The following CFAP20DC variants were observed in gnomAD, a reference collection of about 807,000 sequenced individuals.
CFAP20DC encodes the protein protein CFAP20DC.
A neutral mutation model predicts 101.7 loss-of-function variants in CFAP20DC; 84 were observed. The observed-to-expected ratio is 0.83, with a 90% CI of 0.69 to 0.99. The LOEUF is 0.99. Ranked by LOEUF, CFAP20DC falls within the 50% of genes least tolerant of loss-of-function variation. CFAP20DC has a pLI of 0.00. For missense variants in CFAP20DC, 1,007 were observed against 970.3 expected, an observed-to-expected ratio of 1.04 and a Z score of -0.50; for synonymous variants, 359 against 351.2, an observed-to-expected ratio of 1.02 and a Z score of -0.25.
In CFAP20DC at chr3:58,853,150, A is replaced by G. The variant is rs1375116703; in HGVS notation, c.1594-3741T>C. ...GACACAATAAGAAATGATGAAGGGG[A>G]TATCACCACTGATCCCACAGAAATA... is the stretch of plus-strand genomic sequence containing the variant. On this transcript the variant is annotated intron_variant, in intron 12 of 16. Coordinates refer to ENST00000482387, the MANE Select transcript of CFAP20DC (RefSeq NM_001394063.1). Among the ~76,000 whole-genome samples, 3 of 152,188 alleles carry G rather than the reference A, an allele frequency of 2.0e-5. No homozygotes were observed. In the East Asian group the frequency reaches 5.8e-4, roughly 29 times the overall value.
Position 58,863,546 on chromosome 3 carries a change from C to G in CFAP20DC, c.1593+12G>C. The stretch of plus-strand genomic sequence containing the variant: ...TGTGCTTCAAGACTACTTCACTTAT[C>G]AAGCAGTGTACCTCTTCACTGCTGT... On this transcript the variant is annotated intron_variant, in intron 12 of 16. Transcript: ENST00000482387. The surrounding 1 kb of genome is among the most constrained non-coding windows in gnomAD (Gnocchi z 5.9). 1 of 1,613,224 alleles carries G rather than the reference C, an allele frequency of 6.2e-7. No homozygotes were observed. The highest frequency in any genetic ancestry group is 1.1e-5 in the South Asian group (1 of 90,988).
At chr3:59,043,971 T>A (rs1699640235) in intron 3 of CFAP20DC, among the ~76,000 whole-genome samples, 2 of 152,182 alleles carry the variant, frequency 1.3e-5, no homozygotes, top group African/African-American at 4.8e-5. Flanking sequence ...TTCAGGAAGA[T>A]CCCTGCCCTA....
chr3:58,999,596 G>C (rs1576652375), intron 4 of CFAP20DC, among the ~76,000 whole-genome samples: 1 of 152,036 alleles, frequency 6.6e-6, no homozygotes, highest in East Asian at 1.9e-4. Context: ...TGGACTCTTG[G>C]CCCTCTCCTT....
chr3:59,028,767 T>C (rs746129590), intron 4 of CFAP20DC, among the ~76,000 whole-genome samples: 2 of 152,222 alleles, frequency 1.3e-5, no homozygotes, highest in Admixed American at 6.5e-5. Flanking sequence ...TGAGGATTAA[T>C]TGAGCTATAA....
At chr3:59,013,674 G>A (rs2093633383) in intron 4 of CFAP20DC, among the ~76,000 whole-genome samples, 1 of 152,070 alleles carries the variant, frequency 6.6e-6, no homozygotes, top group South Asian at 2.1e-4. Context: ...AGGAATAGTA[G>A]GATAAGCCAG....
At chr3:59,022,996 A>C (rs9834869) in intron 4 of CFAP20DC, among the ~76,000 whole-genome samples, 35,816 of 151,986 alleles carry the variant, frequency 0.24, 4,814 homozygotes, top group African/African-American at 0.37. Flanking sequence ...TAGTTACCAT[A>C]CTGCCAGTAG....
At chr3:58,836,262 A>T (rs1045026657) in intron 13 of CFAP20DC, among the ~76,000 whole-genome samples, 11 of 152,348 alleles carry the variant, frequency 7.2e-5, no homozygotes, top group African/African-American at 2.6e-4. Context: ...GTTGAGGTAT[A>T]GTATTAATGA....
intron 4 of CFAP20DC, among the ~76,000 whole-genome samples, chr3:58,945,259 T>G (rs892963909): frequency 6.6e-6 from 1 of 152,142 alleles, no homozygotes; most frequent in African/African-American, 2.4e-5. Context: ...ATGCTTGCTT[T>G]CTTTTTGGGG....
intron 3 of CFAP20DC, among the ~76,000 whole-genome samples, chr3:58,734,722 T>C (rs2067712231): frequency 6.6e-6 from 1 of 152,090 alleles, no homozygotes. Context: ...CCTTTCCCTT[T>C]CCCCTCTTGC....
chr3:58,922,414 A>T (rs12632173), intron 5 of CFAP20DC, among the ~76,000 whole-genome samples: 1 of 152,100 alleles, frequency 6.6e-6, no homozygotes, highest in Non-Finnish European at 1.5e-5. Context: ...TTCGTGCCCA[A>T]TGTTAGAGAT....
chr3:58,913,451 A>G lies in CFAP20DC; in HGVS notation c.550+257T>C. On this transcript the variant is annotated intron_variant, in intron 6 of 16. Coordinates refer to ENST00000482387, the MANE Select transcript of CFAP20DC (RefSeq NM_001394063.1). This position sits in a 1 kb window ranked among gnomAD's most constrained non-coding sequence, Gnocchi z 4.4. Reference sequence around the variant, plus strand: ...TATGTTGTTTGTAACTAAGGAGCCTAAGACAGATAGCAAGTGTTACCATAA... The same window carrying G: ...TATGTTGTTTGTAACTAAGGAGCCTGAGACAGATAGCAAGTGTTACCATAA... The G allele has an allele frequency of 1.7e-6, 1 of 598,838 alleles. No homozygotes were observed. The highest frequency in any genetic ancestry group is 2.9e-6 in the Non-Finnish European group (1 of 339,268). 37.1% of individuals were successfully genotyped at this position (598,838 alleles called of 1,614,324 possible). A position where few individuals can be genotyped will look rare whatever the true frequency, so the allele number is the denominator to read the frequency against.
At chr3:58,768,419 G>A (rs891573772) in intron 15 of CFAP20DC, among the ~76,000 whole-genome samples, 6 of 152,160 alleles carry the variant, frequency 3.9e-5, no homozygotes, top group African/African-American at 1.2e-4. Flanking sequence ...TGATGGAAGT[G>A]CTTGGTTTAA....
downstream of CFAP20DC, among the ~76,000 whole-genome samples, chr3:58,739,889 T>C (rs569340767): frequency 4.6e-5 from 7 of 152,322 alleles, no homozygotes; most frequent in East Asian, 1.4e-3. Context: ...TCAACAGAAA[T>C]GAAGCTATAA....
chr3:58,906,726 A>G (rs2083621575), intron 6 of CFAP20DC, among the ~76,000 whole-genome samples: 1 of 152,096 alleles, frequency 6.6e-6, no homozygotes, highest in African/African-American at 2.4e-5. Flanking sequence ...TAGGAGTTCA[A>G]GACCAGCCTA....
intron 15 of CFAP20DC, among the ~76,000 whole-genome samples, chr3:58,784,205 T>C (rs963204954): frequency 2.6e-5 from 4 of 152,076 alleles, no homozygotes; most frequent in African/African-American, 4.8e-5. Flanking sequence ...TGGGTTAATT[T>C]GCTTAGGATA....
At position 59,002,704 on chromosome 3, in the gene CFAP20DC, T is replaced by C. The variant is rs2093341940; in HGVS notation, c.278+36853A>G. Among the ~76,000 whole-genome samples, 1 of 152,138 alleles carries C rather than the reference T, an allele frequency of 6.6e-6. No homozygotes were observed. Among genetic ancestry groups the C allele is most frequent in the South Asian group, 2.1e-4 (1 of 4,812 alleles). ...ATGTTCTCAGACTTATCAATGAGGATTGGTTCTATTTTTCTTCAACTTTCT... is the reference window on the plus strand; with the variant it reads ...ATGTTCTCAGACTTATCAATGAGGACTGGTTCTATTTTTCTTCAACTTTCT... On this transcript the variant is annotated intron_variant, in intron 4 of 16. Coordinates refer to ENST00000482387, the MANE Select transcript of CFAP20DC (RefSeq NM_001394063.1). This position sits in a 1 kb window ranked among gnomAD's most constrained non-coding sequence, Gnocchi z 4.5.
chr3:58,835,364 A>T (rs576568578), intron 13 of CFAP20DC, among the ~76,000 whole-genome samples: 10 of 152,306 alleles, frequency 6.6e-5, no homozygotes, highest in African/African-American at 2.4e-4. Flanking sequence ...AGAGTAATTA[A>T]ATTTGTTGAC....
intron 4 of CFAP20DC, chr3:58,970,857 T>C (rs1206131464): frequency 6.6e-6 from 1 of 152,196 alleles, no homozygotes; most frequent in African/African-American, 2.4e-5. Flanking sequence ...TCTAATTTAT[T>C]GCGTTGTTCT....
Position 58,868,754 on chromosome 3 carries a change from C to A in CFAP20DC, c.1015+574G>T, listed in dbSNP as rs747653650. On this transcript the variant is annotated intron_variant, in intron 9 of 16. Transcript: ENST00000482387. The surrounding 1 kb of genome is among the most constrained non-coding windows in gnomAD (Gnocchi z 4.6). The stretch of plus-strand genomic sequence containing the variant: ...ACTTAAATGTCCTCCCTTTTCAACT[C>A]TCAGTAAAGTCAGATCAGTAAGGGT... Among the ~76,000 whole-genome samples, 17 of 152,274 alleles carry A rather than the reference C, an allele frequency of 1.1e-4. No homozygotes were observed. The Middle Eastern group carries it at 0.014, about 122-fold the overall frequency.
Sources: allele counts gnomAD v4.1 joint callset (sites outside exome capture counted in the v4.1 genomes callset), GRCh38; gene constraint gnomAD v4.1.1; non-coding constraint Gnocchi (gnomAD v3.1); transcripts MANE v1.5; gene names NCBI Gene and HGNC (gene_info 2026-07-23, HGNC 2026-07-21).